The following CADPS2 variants were observed in gnomAD, a reference collection of about 807,000 sequenced individuals.
CADPS2 encodes calcium-dependent secretion activator 2.
CADPS2 carries 93 observed loss-of-function variants against 172.5 expected under a neutral mutation model. The ratio of observed to expected loss-of-function variants is 0.54; its 90% CI spans 0.46 to 0.64. The LOEUF (loss-of-function observed/expected upper bound fraction) is 0.64, where lower values mean the gene tolerates loss of function less well. Ranked by LOEUF, CADPS2 falls within the 30% of genes least tolerant of loss-of-function variation. The pLI, the probability that CADPS2 is intolerant of heterozygous loss-of-function variation, is 0.00. For missense variants in CADPS2, 1,420 were observed against 1,565.9 expected (o/e 0.91, Z 1.57); for synonymous variants, 546 against 555.2 (o/e 0.98, Z 0.23).
intron 15 of CADPS2, among the ~76,000 whole-genome samples, chr7:122,450,128 A>C (rs920394592): frequency 4.6e-5 from 7 of 152,230 alleles, no homozygotes; most frequent in African/African-American, 1.7e-4. Flanking sequence ...ACGGAGTCTC[A>C]GCATGGTCAT....
intron 8 of CADPS2, among the ~76,000 whole-genome samples, chr7:122,550,702 C>A (rs1369383666): frequency 6.6e-6 from 1 of 152,112 alleles, no homozygotes; most frequent in Non-Finnish European, 1.5e-5. Context: ...TGTTACTTAG[C>A]CACTAGGCTA....
At chr7:122,622,390 C>G (rs1415574564) in intron 4 of CADPS2, among the ~76,000 whole-genome samples, 3 of 152,142 alleles carry the variant, frequency 2.0e-5, no homozygotes, top group South Asian at 2.1e-4. Context: ...GAAAAATTAA[C>G]AATATCAATT....
chr7:122,584,253 T>C (rs992146237), intron 6 of CADPS2, among the ~76,000 whole-genome samples: 1 of 151,980 alleles, frequency 6.6e-6, no homozygotes, highest in Non-Finnish European at 1.5e-5. Flanking sequence ...GGGAAGATAC[T>C]TGCTAATGAA....
At chr7:122,342,608 A>G (rs1439645354) in intron 28 of CADPS2, among the ~76,000 whole-genome samples, 3 of 152,150 alleles carry the variant, frequency 2.0e-5, no homozygotes, top group East Asian at 3.8e-4. Context: ...AAATAGTGTT[A>G]TATGTGGCAT....
At chr7:122,870,949 T>C (rs1164859923) in intron 1 of CADPS2, among the ~76,000 whole-genome samples, 1 of 152,036 alleles carries the variant, frequency 6.6e-6, no homozygotes, top group Non-Finnish European at 1.5e-5. Context: ...GAAGATATAG[T>C]CCAGGTCAGA....
intron 6 of CADPS2, among the ~76,000 whole-genome samples, chr7:122,581,656 T>C (rs374485850): frequency 2.0e-5 from 3 of 152,108 alleles, no homozygotes; most frequent in African/African-American, 7.2e-5. Flanking sequence ...CAGGGTTTGT[T>C]TACGTAAGAG....
chr7:122,702,700 T>A, intron 2 of CADPS2: 1 of 1,612,472 alleles, frequency 6.2e-7, no homozygotes, highest in Non-Finnish European at 8.5e-7. Context: ...GCCTCAAAAG[T>A]CCAGATGAAA....
intron 6 of CADPS2, among the ~76,000 whole-genome samples, chr7:122,607,141 A>T (rs1483246528): frequency 1.4e-4 from 21 of 152,190 alleles, no homozygotes. Flanking sequence ...GAAAAGCAAG[A>T]ATGGATAAAA....
intron 7 of CADPS2, among the ~76,000 whole-genome samples, chr7:122,579,810 C>G (rs2068566591): frequency 6.6e-6 from 1 of 151,970 alleles, no homozygotes; most frequent in South Asian, 2.1e-4. Flanking sequence ...TAACACAGCT[C>G]TCTTAGGTAT....
At chr7:122,674,201 C>T (rs1271739277) in intron 2 of CADPS2, among the ~76,000 whole-genome samples, 4 of 152,176 alleles carry the variant, frequency 2.6e-5, no homozygotes, top group Non-Finnish European at 5.9e-5. Flanking sequence ...GGTCCCCGCC[C>T]GCACCTCTCC....
At chr7:122,735,136 A>G (rs1378963633) in intron 2 of CADPS2, among the ~76,000 whole-genome samples, 1 of 152,112 alleles carries the variant, frequency 6.6e-6, no homozygotes, top group Non-Finnish European at 1.5e-5. Flanking sequence ...TTCCCAAGTG[A>G]CTGTGAAAGG....
intron 17 of CADPS2, among the ~76,000 whole-genome samples, chr7:122,432,595 T>C (rs1192455240): frequency 6.8e-6 from 1 of 148,134 alleles, no homozygotes; most frequent in African/African-American, 2.5e-5. Context: ...GAGTTGAGAT[T>C]GTACCAGTGC....
intron 1 of CADPS2, among the ~76,000 whole-genome samples, chr7:122,879,894 C>G (rs1342476796): frequency 6.6e-6 from 1 of 152,226 alleles, no homozygotes; most frequent in Non-Finnish European, 1.5e-5. Context: ...AAAATAGAAG[C>G]TTTTCCTTAC....
At chr7:122,456,283 C>T (rs562738144) in intron 14 of CADPS2, among the ~76,000 whole-genome samples, 6 of 151,894 alleles carry the variant, frequency 4.0e-5, no homozygotes, top group East Asian at 1.9e-4. Context: ...ATTTAAAATT[C>T]GAACATAAAA....
At chr7:122,860,796 CT>C (rs1434410538) in intron 1 of CADPS2, among the ~76,000 whole-genome samples, 1 of 152,092 alleles carries the variant, frequency 6.6e-6, no homozygotes, top group Admixed American at 6.6e-5. Context: ...ATGAGATCAA[CT>C]TTTTTAGGTT....
chr7:122,623,860 C>T lies in CADPS2; in HGVS notation c.868-2143G>A, dbSNP rs184044807. 2.4e-4 allele frequency among the ~76,000 whole-genome samples: 36 copies of T among 152,262 alleles called. 1 individual carries two copies. The highest frequency in any genetic ancestry group is 7.2e-4 in the African/African-American group (30 of 41,572). Reference sequence around the variant, plus strand: ...GTATCTGAAAGTTCTGATATACTAACGCTTTGCTTTCAAATTTTCAACATG... The same window carrying T: ...GTATCTGAAAGTTCTGATATACTAATGCTTTGCTTTCAAATTTTCAACATG... On this transcript the variant is annotated intron_variant, in intron 4 of 29. Transcript: ENST00000449022.
At chr7:122,592,439 A>G (rs2070986130) in intron 6 of CADPS2, among the ~76,000 whole-genome samples, 1 of 152,058 alleles carries the variant, frequency 6.6e-6, no homozygotes, top group Non-Finnish European at 1.5e-5. Flanking sequence ...GCAATTCCTC[A>G]GGGATCTAGA....
chr7:122,634,447 T>A (rs1450778773), intron 3 of CADPS2, among the ~76,000 whole-genome samples: 1 of 152,172 alleles, frequency 6.6e-6, no homozygotes, highest in African/African-American at 2.4e-5. Context: ...AGATTTTCTA[T>A]GTAGCATATA....
chr7:122,878,631 C>G (rs1821971605), intron 1 of CADPS2, among the ~76,000 whole-genome samples: 2 of 140,124 alleles, frequency 1.4e-5, no homozygotes, highest in Non-Finnish European at 3.0e-5. Flanking sequence ...CAGAGCAAGA[C>G]TCTGTCTCAA....
Sources: allele counts gnomAD v4.1 joint callset (sites outside exome capture counted in the v4.1 genomes callset), GRCh38; gene constraint gnomAD v4.1.1; transcripts MANE v1.5; gene names NCBI Gene and HGNC (gene_info 2026-07-23, HGNC 2026-07-21).